Variants in TMEM117 observed in about 807,000 individuals in gnomAD.
The protein encoded by TMEM117 is transmembrane protein 117.
TMEM117 carries 27 observed loss-of-function variants against 52.4 expected under a neutral mutation model. That is an observed-to-expected ratio of 0.51 (90% confidence interval 0.38 to 0.71). The LOEUF is 0.71. Ranked by LOEUF, TMEM117 falls within the 30% of genes least tolerant of loss-of-function variation. The pLI is 0.00. For missense variants in TMEM117, 556 were observed against 630.5 expected (o/e 0.88, Z 1.26); for synonymous variants, 215 against 206.3 (o/e 1.04, Z -0.36).
At chr12:44,184,596 C>G (rs1314848260) in intron 4 of TMEM117, among the ~76,000 whole-genome samples, 4 of 152,072 alleles carry the variant, frequency 2.6e-5, no homozygotes, top group Admixed American at 2.6e-4. Flanking sequence ...GAGAAAAACC[C>G]CAGCTTACAG....
chr12:44,210,765 A>G (rs1005946568), intron 4 of TMEM117, among the ~76,000 whole-genome samples: 3 of 152,164 alleles, frequency 2.0e-5, no homozygotes, highest in South Asian at 4.1e-4. Flanking sequence ...GAGGAAGAAC[A>G]TTTTTAGATG....
At chr12:44,191,341 C>T (rs1461512744) in intron 4 of TMEM117, among the ~76,000 whole-genome samples, 1 of 151,946 alleles carries the variant, frequency 6.6e-6, no homozygotes, top group Non-Finnish European at 1.5e-5. Flanking sequence ...CACAGCCAAA[C>T]CATGTCTATC....
intron 6 of TMEM117, among the ~76,000 whole-genome samples, chr12:44,334,464 G>A (rs1211156020): frequency 2.0e-5 from 3 of 151,984 alleles, no homozygotes; most frequent in African/African-American, 4.8e-5. Context: ...AAAAGGCATG[G>A]TGCAGCTCTG....
chr12:43,799,137 T>C, the TMEM117 span, among the ~76,000 whole-genome samples: 3 of 152,096 alleles, frequency 2.0e-5, no homozygotes, highest in African/African-American at 7.2e-5. Context: ...ACAACAGTTG[T>C]ACTTCAAAAG....
chr12:44,160,277 A>G (rs1357803286), intron 4 of TMEM117, among the ~76,000 whole-genome samples: 2 of 152,030 alleles, frequency 1.3e-5, no homozygotes, highest in African/African-American at 4.8e-5. Flanking sequence ...ACACATACAC[A>G]TATGTATATA....
At chr12:44,225,891 C>T (rs913856527) in intron 5 of TMEM117, among the ~76,000 whole-genome samples, 3 of 152,156 alleles carry the variant, frequency 2.0e-5, no homozygotes. Context: ...TCTACTAAGA[C>T]TGGTGCCTTA....
intron 3 of TMEM117, among the ~76,000 whole-genome samples, chr12:44,086,971 A>ATTATATAATATATAATTAATAATTATAT (rs1947579957): frequency 6.8e-6 from 1 of 147,502 alleles, no homozygotes; most frequent in Non-Finnish European, 1.5e-5. Context: ...AATAATTATA[A>ATTATATAATATATAATTAATAATTATAT]ATTATATAAT....
intron 4 of TMEM117, among the ~76,000 whole-genome samples, chr12:44,194,890 T>C (rs1949398205): frequency 6.6e-6 from 1 of 152,134 alleles, no homozygotes; most frequent in African/African-American, 2.4e-5. Context: ...CAGGAGCATA[T>C]AAAATGAAGT....
intron 2 of TMEM117, among the ~76,000 whole-genome samples, chr12:43,862,864 G>A (rs1943513386): frequency 6.6e-6 from 1 of 152,222 alleles, no homozygotes; most frequent in South Asian, 2.1e-4. Flanking sequence ...ACATCTGGGA[G>A]GCCAAGACAG....
At chr12:44,302,709 G>A (rs190948791) in intron 6 of TMEM117, among the ~76,000 whole-genome samples, 13 of 152,302 alleles carry the variant, frequency 8.5e-5, no homozygotes, top group Non-Finnish European at 1.8e-4. Flanking sequence ...TGAGTCATGT[G>A]CAAACTGTAT....
intron 5 of TMEM117, among the ~76,000 whole-genome samples, chr12:44,254,887 C>T (rs1950240974): frequency 6.6e-6 from 1 of 151,938 alleles, no homozygotes; most frequent in African/African-American, 2.4e-5. Flanking sequence ...CAATTCCCAC[C>T]TATGAGTGAG....
chr12:43,797,345 A>G, the TMEM117 span: 114 of 1,605,082 alleles, frequency 7.1e-5, no homozygotes, highest in Admixed American at 1.8e-3. Flanking sequence ...GTTTATACAG[A>G]AAGAAATGGT....
chr12:44,362,157 A>G (rs1025979108), intron 6 of TMEM117, among the ~76,000 whole-genome samples: 1 of 151,980 alleles, frequency 6.6e-6, no homozygotes, highest in African/African-American at 2.4e-5. Flanking sequence ...TGCAAAACAT[A>G]TCACCACGTA....
intron 4 of TMEM117, among the ~76,000 whole-genome samples, chr12:44,151,918 ATT>A (rs1247907813): frequency 1.3e-4 from 16 of 126,762 alleles, no homozygotes; most frequent in African/African-American, 4.7e-4. Context: ...TATAATATAT[ATT>A]ATAAACATTA....
chr12:44,040,576 A>T (rs1946781062), intron 3 of TMEM117, among the ~76,000 whole-genome samples: 1 of 152,154 alleles, frequency 6.6e-6, no homozygotes, highest in African/African-American at 2.4e-5. Flanking sequence ...CTGTTCTATC[A>T]TCTGAAAAAT....
chr12:44,147,800 C>T (rs1160378950), intron 4 of TMEM117, among the ~76,000 whole-genome samples: 1 of 151,962 alleles, frequency 6.6e-6, no homozygotes, highest in East Asian at 1.9e-4. Flanking sequence ...GATATAGTGG[C>T]ACATGCCTGC....
chr12:44,066,650 T>C (rs567778308), intron 3 of TMEM117, among the ~76,000 whole-genome samples: 131 of 152,290 alleles, frequency 8.6e-4, no homozygotes, highest in African/African-American at 3.0e-3. Context: ...GTCTAAAAGA[T>C]GTGCATAACT....
intron 5 of TMEM117, among the ~76,000 whole-genome samples, chr12:44,241,982 G>A: frequency 6.6e-6 from 1 of 151,900 alleles, no homozygotes; most frequent in Non-Finnish European, 1.5e-5. Context: ...TTAAATTTGA[G>A]AATAAGTTTA....
rs1033488221 is a variant in TMEM117 at position 43,912,367 on chromosome 12, G to A, written c.278-31843G>A. On this transcript the variant is annotated intron_variant, in intron 2 of 7. Coordinates refer to ENST00000266534, the MANE Select transcript of TMEM117 (RefSeq NM_032256.3). ...TGTTGTGGGGTGGGGGAAGGGGACA[G>A]GGATAGCATTGGGAGATATACCTAA... Among the ~76,000 whole-genome samples, 155 of 151,678 alleles carry A rather than the reference G, an allele frequency of 1.0e-3. 2 individuals carry two copies. The highest frequency in any genetic ancestry group is 3.2e-3 in the African/African-American group (134 of 41,238).
Sources: gnomAD v4.1 joint callset for allele counts (sites outside exome capture counted in the v4.1 genomes callset) on GRCh38, gnomAD v4.1.1 for gene constraint, MANE v1.5 for transcripts, NCBI Gene and HGNC (gene_info 2026-07-23, HGNC 2026-07-21) for gene names.